The following FBXL2 variants were observed in gnomAD, a reference collection of about 807,000 sequenced individuals.
FBXL2 encodes F-box and leucine rich repeat protein 2, also known as F-box/LRR-repeat protein 2.
In FBXL2, 38 loss-of-function variants were observed where a neutral mutation model predicts 69.2. The observed-to-expected ratio is 0.55, with a 90% CI of 0.42 to 0.72. FBXL2 has a LOEUF of 0.72. Ranked by LOEUF, FBXL2 falls within the 30% of genes least tolerant of loss-of-function variation. The pLI, the probability that FBXL2 is intolerant of heterozygous loss-of-function variation, is 0.00. For missense variants in FBXL2, 354 were observed against 520.3 expected (o/e 0.68, Z 3.11); for synonymous variants, 192 against 201.3 (o/e 0.95, Z 0.39).
At chr3:33,294,157 C>A (rs898718837) in intron 1 of FBXL2, among the ~76,000 whole-genome samples, 2 of 152,124 alleles carry the variant, frequency 1.3e-5, no homozygotes, top group Non-Finnish European at 2.9e-5. Context: ...AGTGCAGTAG[C>A]GTGGTCATAG....
At chr3:33,397,218 A>C (rs1399471639) in intron 12 of FBXL2, 1 of 1,000,902 alleles carries the variant, frequency 1.0e-6, no homozygotes, top group Non-Finnish European at 1.5e-6. Context: ...CATGCAGTCC[A>C]ATGTCCTTCA....
At chr3:33,367,368 C>T (rs2042020594) in intron 5 of FBXL2, among the ~76,000 whole-genome samples, 2 of 152,200 alleles carry the variant, frequency 1.3e-5, no homozygotes, top group Non-Finnish European at 2.9e-5. Flanking sequence ...AAGCGTGAGC[C>T]ACCGCACCCG....
downstream of FBXL2, chr3:33,388,379 C>A (rs547198733): frequency 6.6e-6 from 1 of 152,540 alleles, no homozygotes; most frequent in Non-Finnish European, 1.5e-5. Flanking sequence ...GAAATGTGTA[C>A]ATCCTACTAT....
rs150355987 is a variant in FBXL2, at chr3:33,380,374, T to C, written c.951+1633T>C. Among the ~76,000 whole-genome samples the C allele has an allele frequency of 6.0e-3, 909 of 151,638 alleles. 7 individuals are homozygous for C. Among genetic ancestry groups the C allele is most frequent in the South Asian group, 0.024 (115 of 4,804 alleles). Reference sequence around the variant, plus strand: ...GAGTTCGAGACCAGCCTAACCAACATGGAGAAACCCTGTCTCTACTAAAAA... The same window carrying C: ...GAGTTCGAGACCAGCCTAACCAACACGGAGAAACCCTGTCTCTACTAAAAA... On this transcript the variant is annotated intron_variant, in intron 13 of 14. Coordinates refer to ENST00000484457, the MANE Select transcript of FBXL2 (RefSeq NM_012157.5).
intron 2 of FBXL2, among the ~76,000 whole-genome samples, chr3:33,349,258 T>C (rs888783559): frequency 6.6e-6 from 1 of 152,160 alleles, no homozygotes; most frequent in African/African-American, 2.4e-5. Context: ...GTGGTTTTTA[T>C]TATGTTGAGG....
intron 2 of FBXL2, among the ~76,000 whole-genome samples, chr3:33,323,497 C>G (rs575341882): frequency 1.1e-4 from 16 of 152,106 alleles, no homozygotes; most frequent in Non-Finnish European, 2.2e-4. Context: ...GTGTGATGTT[C>G]CCCTCCCTGT....
chr3:33,371,895 T>C (rs538903126), intron 5 of FBXL2, among the ~76,000 whole-genome samples: 9 of 152,312 alleles, frequency 5.9e-5, no homozygotes, highest in Non-Finnish European at 1.2e-4. Flanking sequence ...AGGAAGACTA[T>C]TCTCAATACT....
At chr3:33,335,790 A>C (rs1236735875) in intron 2 of FBXL2, among the ~76,000 whole-genome samples, 2 of 152,124 alleles carry the variant, frequency 1.3e-5, no homozygotes, top group African/African-American at 4.8e-5. Context: ...TTCATGATTA[A>C]ATGTAAATGA....
intron 11 of FBXL2, 51 bp from the exon 12 acceptor site, chr3:33,378,052 T>C: frequency 6.3e-7 from 1 of 1,581,450 alleles, no homozygotes. Flanking sequence ...GCCACCATTG[T>C]TGCTGTCACC....
chr3:33,314,166 G>C (rs2037462206), intron 2 of FBXL2, among the ~76,000 whole-genome samples: 3 of 151,570 alleles, frequency 2.0e-5, no homozygotes, highest in Admixed American at 2.0e-4. Flanking sequence ...ATATATTCAA[G>C]GTATACATGA....
chr3:33,380,505 C>T (rs986466916), intron 13 of FBXL2, among the ~76,000 whole-genome samples: 1 of 147,960 alleles, frequency 6.8e-6, no homozygotes, highest in African/African-American at 2.5e-5. Flanking sequence ...TTGCTGTGAG[C>T]TGAGATCTCG....
At chr3:33,401,764 A>G (rs9870206) in intron 12 of FBXL2, among the ~76,000 whole-genome samples, 3,180 of 152,316 alleles carry the variant, frequency 0.021, 112 homozygotes, top group African/African-American at 0.072. Context: ...TGGGAACACA[A>G]TAAGTTCTCC....
At chr3:33,322,732 A>G (rs570895388) in intron 2 of FBXL2, among the ~76,000 whole-genome samples, 24 of 152,326 alleles carry the variant, frequency 1.6e-4, no homozygotes, top group Admixed American at 3.9e-4. Context: ...CACAAAGTAG[A>G]TGCAATTACT....
rs1297433492 is a variant in FBXL2, at chr3:33,387,064, C to CTT, written c.*1457_*1458dup. On this transcript the variant is annotated 3_prime_UTR_variant, in exon 15 of 15. Coordinates refer to ENST00000484457, the MANE Select transcript of FBXL2 (RefSeq NM_012157.5). ...TATATATAATCTCCCCATAAACGGA[C>CTT]TTAGCACAATTATCATCAGAGTAAG... 1 of 152,138 alleles carries CTT rather than the reference C, an allele frequency of 6.6e-6. No homozygotes were observed. Among genetic ancestry groups the CTT allele is most frequent in the South Asian group, 2.1e-4 (1 of 4,830 alleles). The allele number at this position is 152,138 out of a possible 1,614,324, so 9.4% of individuals were successfully genotyped here.
chr3:33,416,653 A>G, the FBXL2 span: 8 of 866,928 alleles, frequency 9.2e-6, no homozygotes, highest in Non-Finnish European at 1.4e-5. Context: ...ATAAAGTTAA[A>G]AAGTTGTAAT....
the FBXL2 span, among the ~76,000 whole-genome samples, chr3:33,413,802 C>G: frequency 1.4e-3 from 210 of 152,218 alleles, 3 homozygotes; most frequent in African/African-American, 4.8e-3. Context: ...AGGGCCTGTC[C>G]AAGCAATTAC....
intron 1 of FBXL2, among the ~76,000 whole-genome samples, chr3:33,295,400 T>C (rs1283499135): frequency 6.6e-6 from 1 of 152,244 alleles, no homozygotes; most frequent in Admixed American, 6.5e-5. Flanking sequence ...ATTCCTGTTG[T>C]AACATGTATC....
At chr3:33,375,443 T>C (rs34472793) in intron 10 of FBXL2, 25 bp downstream of exon 10, 59,558 of 1,605,810 alleles carry the variant, frequency 0.037, 1,292 homozygotes, top group Non-Finnish European at 0.045. Flanking sequence ...CTTTTTGCTT[T>C]GCAGCTCAGA....
Position 33,384,181 on chromosome 3 carries a change from G to A in FBXL2, c.1144G>A (p.Ala382Thr). 3 of 1,614,130 alleles carry A rather than the reference G, an allele frequency of 1.9e-6. No individual in the cohort carries two copies. The highest frequency in any genetic ancestry group is 2.5e-6 in the Non-Finnish European group (3 of 1,180,022). The change falls in exon 14 of 15, where the codon GCA becomes ACA. Residue 382 changes from alanine (A) to threonine (T), a missense_variant. Coordinates refer to ENST00000484457, the MANE Select transcript of FBXL2 (RefSeq NM_012157.5). ...ELYDCQQVTR[A>T]GIKRMRAQLP... ...GTACGACTGCCAGCAGGTTACCCGT[G>A]CAGGCATCAAGCGGATGCGGGTAGG...
Sources: gnomAD v4.1 joint callset for allele counts (sites outside exome capture counted in the v4.1 genomes callset) on GRCh38, gnomAD v4.1.1 for gene constraint, MANE v1.5 for transcripts, NCBI Gene and HGNC (gene_info 2026-07-23, HGNC 2026-07-21) for gene names.